LEPR: variants seen among roughly 807,000 people sequenced by gnomAD.
LEPR encodes the protein leptin receptor.
In LEPR, 56 loss-of-function variants were observed where a neutral mutation model predicts 114.7. The ratio of observed to expected loss-of-function variants is 0.49; its 90% CI spans 0.39 to 0.61. The LOEUF is 0.61. LEPR is among the 20% of genes least tolerant of loss of function. The pLI, the probability that LEPR is intolerant of heterozygous loss-of-function variation, is 0.00. For missense variants in LEPR, 1,202 were observed against 1,352.9 expected (o/e 0.89, Z 1.75); for synonymous variants, 443 against 461.4 (o/e 0.96, Z 0.51).
chr1:65,422,613 G>A (rs1332253517), intron 1 of LEPR, among the ~76,000 whole-genome samples: 1 of 152,228 alleles, frequency 6.6e-6, no homozygotes, highest in Non-Finnish European at 1.5e-5. Flanking sequence ...GAATCTGAAG[G>A]GATCAATGTG....
chr1:65,491,027 G>A (rs1647840854), intron 2 of LEPR, among the ~76,000 whole-genome samples: 1 of 152,134 alleles, frequency 6.6e-6, no homozygotes, highest in Non-Finnish European at 1.5e-5. Context: ...ATGCTATTTG[G>A]AAATCAGAGG....
Position 65,475,167 on chromosome 1 carries a change from A to G in LEPR, c.-21+49789A>G, listed in dbSNP as rs550518910. Among the ~76,000 whole-genome samples the G allele has an allele frequency of 9.2e-5, 14 of 152,266 alleles. No homozygotes were observed. In the South Asian group the frequency reaches 2.5e-3, roughly 27 times the overall value. On this transcript the variant is annotated intron_variant, in intron 2 of 19. Coordinates refer to ENST00000349533, the MANE Select transcript of LEPR (RefSeq NM_002303.6). ...TAGCCTTAAACATCAGTTTTCAAGA[A>G]CATTACTGAATTACAAGTTAATACT...
intron 2 of LEPR, among the ~76,000 whole-genome samples, chr1:65,501,444 A>G (rs77037537): frequency 0.037 from 5,549 of 151,202 alleles, 356 homozygotes; most frequent in African/African-American, 0.13. Flanking sequence ...AAACAGACAC[A>G]AGGAGGAAAA....
At chr1:65,625,685 C>T (rs1658163281) in intron 19 of LEPR, among the ~76,000 whole-genome samples, 1 of 152,062 alleles carries the variant, frequency 6.6e-6, no homozygotes, top group Non-Finnish European at 1.5e-5. Context: ...AAGCAAATTA[C>T]ATTTGGGCCA....
chr1:65,539,758 G>T (rs1235066178), intron 2 of LEPR, among the ~76,000 whole-genome samples: 1 of 152,148 alleles, frequency 6.6e-6, no homozygotes, highest in African/African-American at 2.4e-5. Flanking sequence ...AGAGGCATTT[G>T]TGCCAGATTT....
At chr1:65,547,218 A>G (rs1381723542) in intron 2 of LEPR, among the ~76,000 whole-genome samples, 1 of 152,116 alleles carries the variant, frequency 6.6e-6, no homozygotes, top group East Asian at 1.9e-4. Context: ...CCAGTATTTT[A>G]TTGAGGATTT....
chr1:65,535,835 C>T (rs1650734914), intron 2 of LEPR, among the ~76,000 whole-genome samples: 2 of 152,082 alleles, frequency 1.3e-5, no homozygotes, highest in African/African-American at 4.8e-5. Context: ...TTTTACTGAC[C>T]AGAGGTTCTG....
At chr1:65,618,271 C>A in intron 16 of LEPR, 125 bp downstream of exon 16, 1 of 730,900 alleles carries the variant, frequency 1.4e-6, no homozygotes, top group South Asian at 2.0e-5. Context: ...CATCCTAATA[C>A]ATATAATCCT....
chr1:65,549,345 A>G (rs1422081989), intron 2 of LEPR, among the ~76,000 whole-genome samples: 3 of 151,318 alleles, frequency 2.0e-5, no homozygotes, highest in African/African-American at 7.3e-5. Flanking sequence ...CCTGAATCTG[A>G]ATGTTGGCCT....
At chr1:65,548,136 C>A (rs1651930204) in intron 2 of LEPR, among the ~76,000 whole-genome samples, 2 of 152,096 alleles carry the variant, frequency 1.3e-5, no homozygotes, top group East Asian at 1.9e-4. Context: ...GTTTCTGAAT[C>A]CTCAGTTCTA....
chr1:65,566,223 A>C (rs1409082392), intron 3 of LEPR, among the ~76,000 whole-genome samples: 5 of 66,110 alleles, frequency 7.6e-5, no homozygotes, highest in Middle Eastern at 0.013. Flanking sequence ...TTTTTTTTTG[A>C]GACGCAGTCT....
At position 65,626,072 on chromosome 1, in the gene LEPR, A is replaced by G. The variant is rs375597344; in HGVS notation, c.2673+3091A>G. 5 of 1,562,374 alleles carry G rather than the reference A, an allele frequency of 3.2e-6. No individual in the cohort carries two copies. The African/African-American group carries it at 4.0e-5, about 13-fold the overall frequency. ...AGGGCCATGAAATGATCAGGCCCACATCAGCAAAATGCAGTTTAAACCTGC... is the reference window on the plus strand; with the variant it reads ...AGGGCCATGAAATGATCAGGCCCACGTCAGCAAAATGCAGTTTAAACCTGC... On this transcript the variant is annotated intron_variant, in intron 19 of 19. Coordinates refer to ENST00000349533, the MANE Select transcript of LEPR (RefSeq NM_002303.6).
At chr1:65,434,290 A>G (rs965040092) in intron 2 of LEPR, 22 of 984,044 alleles carry the variant, frequency 2.2e-5, no homozygotes, top group Middle Eastern at 5.2e-4. Flanking sequence ...GGTGACACAA[A>G]TGTTGGACAT....
chr1:65,481,070 C>T (rs1429431506), intron 2 of LEPR, among the ~76,000 whole-genome samples: 1 of 152,150 alleles, frequency 6.6e-6, no homozygotes, highest in Non-Finnish European at 1.5e-5. Context: ...TCCCCTGAGG[C>T]CTCTCTCCTT....
intron 5 of LEPR, among the ~76,000 whole-genome samples, chr1:65,589,516 C>CTTTTTTTTTTTTTTTTT (rs1655544206): frequency 1.3e-5 from 2 of 150,722 alleles, no homozygotes; most frequent in African/African-American, 5.0e-5. Flanking sequence ...AAATTTTTTA[C>CTTTTTTTTTTTTTTTTT]TTATGTTTTC....
intron 2 of LEPR, among the ~76,000 whole-genome samples, chr1:65,556,446 A>G (rs906108472): frequency 2.6e-5 from 4 of 152,064 alleles, no homozygotes; most frequent in Non-Finnish European, 4.4e-5. Context: ...TTATTTATCT[A>G]TATCAGGAAT....
chr1:65,570,351 AC>A lies in LEPR; in HGVS notation c.41-121del. On this transcript the variant is annotated intron_variant, in intron 3 of 19. Coordinates refer to ENST00000349533, the MANE Select transcript of LEPR (RefSeq NM_002303.6). ...GCACAAAGTTATTCATTAGACACTCACTGAGGACTTAGAAAGTTAAATAATT... is the reference window on the plus strand; with the variant it reads ...GCACAAAGTTATTCATTAGACACTCATGAGGACTTAGAAAGTTAAATAATT... The A allele has an allele frequency of 3.3e-6, 3 of 900,838 alleles. No homozygotes were observed. The East Asian group carries it at 7.9e-5, about 24-fold the overall frequency. The allele number at this position is 900,838 out of a possible 1,614,324, so 55.8% of individuals were successfully genotyped here. A position where few individuals can be genotyped will look rare whatever the true frequency, so the allele number is the denominator to read the frequency against.
At chr1:65,460,821 G>A (rs933888448) in intron 2 of LEPR, among the ~76,000 whole-genome samples, 6 of 151,934 alleles carry the variant, frequency 3.9e-5, no homozygotes, top group African/African-American at 1.2e-4. Context: ...TGGTCTGGGT[G>A]ACAGAGTGAC....
intron 19 of LEPR, among the ~76,000 whole-genome samples, chr1:65,624,042 G>T (rs1166303119): frequency 6.6e-6 from 1 of 152,032 alleles, no homozygotes; most frequent in Admixed American, 6.6e-5. Context: ...ATAGTGCTCT[G>T]AATTCAAAGA....
Sources: gnomAD v4.1 joint callset for allele counts (sites outside exome capture counted in the v4.1 genomes callset) on GRCh38, gnomAD v4.1.1 for gene constraint, MANE v1.5 for transcripts, NCBI Gene and HGNC (gene_info 2026-07-23, HGNC 2026-07-21) for gene names.